The following ARHGAP6 variants were observed in gnomAD, a reference collection of about 807,000 sequenced individuals.
The protein encoded by ARHGAP6 is Rho GTPase activating protein 6.
ARHGAP6 carries 16 observed loss-of-function variants against 55.7 expected under a neutral mutation model. The observed-to-expected ratio is 0.29, with a 90% CI of 0.19 to 0.44. The LOEUF (loss-of-function observed/expected upper bound fraction) is 0.44. ARHGAP6 is among the 20% of genes least tolerant of loss of function. The pLI, the probability that ARHGAP6 is intolerant of heterozygous loss-of-function variation, is 1.00. For synonymous variants in ARHGAP6, 382 were observed against 360.9 expected, an observed-to-expected ratio of 1.06 and a Z score of -0.66; for missense variants, 698 against 808.9, an observed-to-expected ratio of 0.86 and a Z score of 1.66.
chrX:11,243,260 T>C (rs971066090), intron 2 of ARHGAP6, among the ~76,000 whole-genome samples: 3 of 111,384 alleles, frequency 2.7e-5, no homozygotes, highest in African/African-American at 9.8e-5. Context: ...AATTCTTCCT[T>C]GCTCCATTTT....
intron 1 of ARHGAP6, among the ~76,000 whole-genome samples, chrX:11,643,775 T>C (rs2052499620): frequency 9.0e-6 from 1 of 111,512 alleles, no homozygotes; most frequent in Admixed American, 9.5e-5. Flanking sequence ...GTTTCTAGCC[T>C]ATGCCTCAAG....
intron 3 of ARHGAP6, among the ~76,000 whole-genome samples, chrX:11,195,116 G>A (rs2046511936): frequency 8.9e-6 from 1 of 111,814 alleles, no homozygotes; most frequent in Non-Finnish European, 1.9e-5. Flanking sequence ...CACTTTGGGA[G>A]GCTGAGGCGG....
At chrX:11,389,466 T>C (rs1209600065) in intron 1 of ARHGAP6, among the ~76,000 whole-genome samples, 1 of 112,402 alleles carries the variant, frequency 8.9e-6, no homozygotes, top group East Asian at 2.8e-4. Context: ...AATTAAAACA[T>C]TGGCCAACCA....
chrX:11,186,023 G>T (rs1249444465), intron 5 of ARHGAP6, among the ~76,000 whole-genome samples: 3 of 111,568 alleles, frequency 2.7e-5, no homozygotes, highest in Non-Finnish European at 5.6e-5. Flanking sequence ...GAGCTAAGCA[G>T]TCTGAATATC....
intron 1 of ARHGAP6, among the ~76,000 whole-genome samples, chrX:11,547,224 G>T (rs2051220472): frequency 8.9e-6 from 1 of 112,398 alleles, no homozygotes; most frequent in Non-Finnish European, 1.9e-5. Flanking sequence ...TTTGTGGCAA[G>T]CTCATCTTCC....
At chrX:11,320,671 C>G (rs1380161300) in intron 1 of ARHGAP6, among the ~76,000 whole-genome samples, 1 of 108,396 alleles carries the variant, frequency 9.2e-6, no homozygotes, top group Non-Finnish European at 1.9e-5. Flanking sequence ...TTTATGGTAT[C>G]AGAACAGAAT....
chrX:11,393,995 G>A (rs1396876074), intron 1 of ARHGAP6, among the ~76,000 whole-genome samples: 8 of 111,461 alleles, frequency 7.2e-5, no homozygotes, highest in Non-Finnish European at 1.5e-4. Flanking sequence ...ATAGCTTAAA[G>A]TTTCTCAGAA....
intron 1 of ARHGAP6, among the ~76,000 whole-genome samples, chrX:11,448,675 G>A (rs1049313288): frequency 1.8e-5 from 2 of 111,083 alleles, no homozygotes; most frequent in Non-Finnish European, 3.8e-5. Context: ...GGTGGGCCTG[G>A]ACATTGGGAT....
At chrX:11,300,035 G>A (rs1306583424) in intron 1 of ARHGAP6, among the ~76,000 whole-genome samples, 1 of 111,975 alleles carries the variant, frequency 8.9e-6, no homozygotes, top group Non-Finnish European at 1.9e-5. Context: ...AAAATATGGG[G>A]CAGAATTTTT....
At chrX:11,595,710 G>T in intron 1 of ARHGAP6, among the ~76,000 whole-genome samples, 1 of 111,518 alleles carries the variant, frequency 9.0e-6, no homozygotes, top group Non-Finnish European at 1.9e-5. Flanking sequence ...GATCTACAAA[G>T]AACTTAAACA....
chrX:11,241,878 C>T (rs2047287253), intron 2 of ARHGAP6, among the ~76,000 whole-genome samples: 1 of 111,438 alleles, frequency 9.0e-6, no homozygotes, highest in Non-Finnish European at 1.9e-5. Flanking sequence ...TAAGCAATAG[C>T]GATGCCTCTC....
chrX:11,245,303 A>G (rs947269877), intron 2 of ARHGAP6, among the ~76,000 whole-genome samples: 3 of 111,967 alleles, frequency 2.7e-5, no homozygotes, highest in Admixed American at 9.5e-5. Flanking sequence ...CCACATATGT[A>G]TCTCCTTCAG....
At chrX:11,283,826 C>G (rs752402184) in intron 1 of ARHGAP6, among the ~76,000 whole-genome samples, 7 of 111,540 alleles carry the variant, frequency 6.3e-5, no homozygotes, top group Non-Finnish European at 1.3e-4. Flanking sequence ...CCTACAGTCA[C>G]CAGGTACCAT....
intron 3 of ARHGAP6, among the ~76,000 whole-genome samples, chrX:11,195,680 A>G (rs73494722): frequency 0.21 from 23,262 of 109,320 alleles, 2,085 homozygotes; most frequent in African/African-American, 0.31. Context: ...GTGGGAGGAA[A>G]GTGAGAATTG....
rs150523359 is a variant in ARHGAP6, at chrX:11,553,006, G to A, written c.588+111235C>T. On this transcript the variant is annotated intron_variant, in intron 1 of 12. Transcript: ENST00000337414. ...ACCACAAAACAAGATAAGTATGTGA[G>A]GTAATGCATATGTTAATTAGCTTGA... 7.2e-5 allele frequency among the ~76,000 whole-genome samples: 8 copies of A among 110,742 alleles called. No homozygotes were observed. In the East Asian group the frequency reaches 1.1e-3, roughly 16 times the overall value.
rs538518126 is a variant in ARHGAP6 at position 11,601,177 on chromosome X, T to A, written c.588+63064A>T. Among the ~76,000 whole-genome samples, 327 of 111,479 alleles carry A rather than the reference T, an allele frequency of 2.9e-3. 1 individual carries two copies. The highest frequency in any genetic ancestry group is 5.6e-3 in the Non-Finnish European group (296 of 53,023). ...AGCAGTTCCAGGTGACTGATCGGGA[T>A]AAGTCCTAAAGGATTGTAGGAGCTA... On this transcript the variant is annotated intron_variant, in intron 1 of 12. Transcript: ENST00000337414.
intron 1 of ARHGAP6, among the ~76,000 whole-genome samples, chrX:11,432,387 C>T (rs1199967745): frequency 1.8e-5 from 2 of 111,981 alleles, no homozygotes; most frequent in Non-Finnish European, 3.8e-5. Context: ...TCTTGGACCA[C>T]TGAAAACCAC....
intron 3 of ARHGAP6, among the ~76,000 whole-genome samples, chrX:11,195,223 G>C (rs1433069096): frequency 1.8e-5 from 2 of 110,380 alleles, no homozygotes; most frequent in Non-Finnish European, 3.8e-5. Flanking sequence ...ATGGTGGTGC[G>C]TGCCTGTAAT....
chrX:11,166,192 A>G (rs2046015445), intron 9 of ARHGAP6, among the ~76,000 whole-genome samples: 1 of 111,388 alleles, frequency 9.0e-6, no homozygotes, highest in Non-Finnish European at 1.9e-5. Flanking sequence ...CAGTCTCAGC[A>G]TCAGGAAATG....
Sources: allele counts gnomAD v4.1 joint callset (sites outside exome capture counted in the v4.1 genomes callset), GRCh38; gene constraint gnomAD v4.1.1; transcripts MANE v1.5; gene names NCBI Gene and HGNC (gene_info 2026-07-23, HGNC 2026-07-21).